Variants in CSGALNACT1 observed in about 807,000 individuals in gnomAD.
CSGALNACT1 encodes the protein beta4GalNAcT-1.
A neutral mutation model predicts 51.0 loss-of-function variants in CSGALNACT1; 52 were observed. That is an observed-to-expected ratio of 1.02 (90% CI 0.82 to 1.29). The LOEUF (loss-of-function observed/expected upper bound fraction) is 1.29, where lower values mean the gene tolerates loss of function less well. Ranked by LOEUF, CSGALNACT1 falls within the 50% of genes most tolerant of loss-of-function variation. CSGALNACT1 has a pLI of 0.00. For synonymous variants in CSGALNACT1, 341 were observed against 254.4 expected, an observed-to-expected ratio of 1.34 and a Z score of -3.24; for missense variants, 935 against 679.2, an observed-to-expected ratio of 1.38 and a Z score of -4.19.
intron 8 of CSGALNACT1, among the ~76,000 whole-genome samples, chr8:19,411,332 T>C (rs1361551741): frequency 6.6e-6 from 1 of 152,262 alleles, no homozygotes; most frequent in Admixed American, 6.5e-5. Flanking sequence ...GCTGACTGTC[T>C]TCAGTCACTA....
chr8:19,461,002 G>T (rs1407075639), intron 4 of CSGALNACT1, among the ~76,000 whole-genome samples: 1 of 152,082 alleles, frequency 6.6e-6, no homozygotes, highest in Non-Finnish European at 1.5e-5. Context: ...CAGTTCCCCA[G>T]CAGTGAACAC....
At chr8:19,457,622 G>C in intron 5 of CSGALNACT1, 3 of 1,247,022 alleles carry the variant, frequency 2.4e-6, no homozygotes, top group Non-Finnish European at 3.2e-6. Context: ...CAAAAAAAAA[G>C]AAATAAAAAA....
intron 9 of CSGALNACT1, among the ~76,000 whole-genome samples, chr8:19,408,129 C>T (rs6998836): frequency 0.66 from 100,002 of 152,020 alleles, 33,319 homozygotes; most frequent in East Asian, 0.97. Flanking sequence ...GCCAGGACCC[C>T]GCTGGGAGGA....
intron 4 of CSGALNACT1, among the ~76,000 whole-genome samples, chr8:19,501,747 G>A (rs1206512360): frequency 6.6e-6 from 1 of 152,196 alleles, no homozygotes; most frequent in African/African-American, 2.4e-5. Context: ...GGAAATCAGA[G>A]CCAAAATATG....
exon 10 of CSGALNACT1, chr8:19,405,934 A>G: frequency 2.5e-6 from 4 of 1,614,042 alleles, no homozygotes; most frequent in Non-Finnish European, 3.4e-6. Context: ...CAGCTCGTCC[A>G]TGCAGCGCTT....
At chr8:19,622,239 G>A (rs761469455) in intron 1 of CSGALNACT1, among the ~76,000 whole-genome samples, 3 of 152,288 alleles carry the variant, frequency 2.0e-5, no homozygotes, top group Admixed American at 6.5e-5. Context: ...GACTAAACAC[G>A]GTGGTTGTTT....
chr8:19,570,143 T>A (rs1309945535), intron 3 of CSGALNACT1, among the ~76,000 whole-genome samples: 2 of 151,950 alleles, frequency 1.3e-5, no homozygotes, highest in Admixed American at 1.3e-4. Flanking sequence ...TGTGTGGTGA[T>A]TAAACAGATA....
At chr8:19,709,491 A>G (rs2154230066) in intron 1 of CSGALNACT1, among the ~76,000 whole-genome samples, 1 of 152,230 alleles carries the variant, frequency 6.6e-6, no homozygotes, top group East Asian at 1.9e-4. Context: ...AAGGGTGGGG[A>G]TCTGTTTTAG....
chr8:19,592,190 G>A (rs1199175162), intron 2 of CSGALNACT1, among the ~76,000 whole-genome samples: 1 of 152,160 alleles, frequency 6.6e-6, no homozygotes, highest in African/African-American at 2.4e-5. Flanking sequence ...TAGTACTAGA[G>A]GGGAAAATAG....
At chr8:19,628,462 C>A (rs1241763303) in intron 1 of CSGALNACT1, among the ~76,000 whole-genome samples, 1 of 152,150 alleles carries the variant, frequency 6.6e-6, no homozygotes, top group African/African-American at 2.4e-5. Context: ...ATGGGGATTA[C>A]AATTTGAGAT....
intron 2 of CSGALNACT1, among the ~76,000 whole-genome samples, chr8:19,596,269 C>G (rs1463927770): frequency 1.3e-5 from 2 of 152,068 alleles, no homozygotes; most frequent in Non-Finnish European, 2.9e-5. Context: ...AAATTGCATT[C>G]TTTCAGACAC....
At chr8:19,492,085 G>A (rs2074468839) in intron 4 of CSGALNACT1, among the ~76,000 whole-genome samples, 1 of 152,220 alleles carries the variant, frequency 6.6e-6, no homozygotes, top group Non-Finnish European at 1.5e-5. Context: ...TGTTTACAAT[G>A]CCACTCATGG....
chr8:19,506,456 C>T (rs551697287), intron 3 of CSGALNACT1, among the ~76,000 whole-genome samples: 1 of 152,270 alleles, frequency 6.6e-6, no homozygotes, highest in Non-Finnish European at 1.5e-5. Context: ...GGCGCAAGTC[C>T]TGATGGTTAA....
At chr8:19,574,166 G>A (rs1288544041) in intron 3 of CSGALNACT1, among the ~76,000 whole-genome samples, 1 of 151,800 alleles carries the variant, frequency 6.6e-6, no homozygotes. Context: ...TCCAGCCCTG[G>A]CCTCCCAAAC....
intron 1 of CSGALNACT1, among the ~76,000 whole-genome samples, chr8:19,665,234 A>C (rs1365396037): frequency 6.6e-6 from 1 of 152,206 alleles, no homozygotes; most frequent in Non-Finnish European, 1.5e-5. Context: ...ATACAAAATC[A>C]AAGAAAAAAA....
chr8:19,428,825 A>ATATGTGTGTG (rs1263429048), intron 6 of CSGALNACT1, among the ~76,000 whole-genome samples: 12 of 143,340 alleles, frequency 8.4e-5, no homozygotes, highest in African/African-American at 3.2e-4. Flanking sequence ...AAGACATGAT[A>ATATGTGTGTG]TGTGTGTGTG....
intron 1 of CSGALNACT1, among the ~76,000 whole-genome samples, chr8:19,756,923 G>T (rs1353126205): frequency 6.6e-6 from 1 of 151,460 alleles, no homozygotes; most frequent in African/African-American, 2.4e-5. Context: ...CTCCCTCCGC[G>T]TCCCCGCGCG....
At chr8:19,515,716 A>G (rs1420865685) in intron 3 of CSGALNACT1, among the ~76,000 whole-genome samples, 1 of 149,942 alleles carries the variant, frequency 6.7e-6, no homozygotes, top group Non-Finnish European at 1.5e-5. Flanking sequence ...CTCAAGTCCT[A>G]TTTTTTTTTT....
At chr8:19,720,718 C>A (rs1264782132) in intron 1 of CSGALNACT1, among the ~76,000 whole-genome samples, 1 of 152,136 alleles carries the variant, frequency 6.6e-6, no homozygotes, top group African/African-American at 2.4e-5. Flanking sequence ...TCTCAGAGCC[C>A]AAAAGGGAAA....
Sources: allele counts gnomAD v4.1 joint callset (sites outside exome capture counted in the v4.1 genomes callset), GRCh38; gene constraint gnomAD v4.1.1; transcripts MANE v1.5; gene names NCBI Gene and HGNC (gene_info 2026-07-23, HGNC 2026-07-21).